The following TUBA1C variants were observed in gnomAD, a reference collection of about 807,000 sequenced individuals.
The protein encoded by TUBA1C is tubulin alpha-1C chain.
TUBA1C carries 16 observed loss-of-function variants against 34.9 expected under a neutral mutation model. The observed-to-expected ratio is 0.46, with a 90% CI of 0.31 to 0.70. TUBA1C has a LOEUF of 0.70. Ranked by LOEUF, TUBA1C falls within the 30% of genes least tolerant of loss-of-function variation. The probability of loss-of-function intolerance (pLI) is 0.05; values close to 1 mark genes in which losing one functional copy is unlikely to be tolerated. For synonymous variants in TUBA1C, 177 were observed against 215.9 expected (o/e 0.82, Z 1.58); for missense variants, 329 against 587.3 (o/e 0.56, Z 4.55).
exon 1 of TUBA1C, chr12:49,228,100 G>T (rs1447402103): frequency 2.0e-6 from 3 of 1,535,562 alleles, no homozygotes; most frequent in African/African-American, 2.7e-5. Flanking sequence ...GGACTCTTCA[G>T]CTCCCTGCGC....
chr12:49,238,671 T>C (rs1942582334), intron 1 of TUBA1C, among the ~76,000 whole-genome samples: 1 of 152,182 alleles, frequency 6.6e-6, no homozygotes, highest in African/African-American at 2.4e-5. Context: ...TTTTTGCTTA[T>C]TTTTATATTT....
Position 49,270,147 on chromosome 12 carries a change from G to A in TUBA1C, c.375+171G>A. The A allele has an allele frequency of 2.9e-6, 4 of 1,361,706 alleles. No individual in the cohort carries two copies. The Admixed American group carries it at 7.7e-5, about 26-fold the overall frequency. 84.4% of individuals were successfully genotyped at this position (1,361,706 alleles called of 1,614,324 possible). On this transcript the variant is annotated intron_variant, in intron 3 of 3. Transcript: ENST00000301072. ...GAACCAGATGATCTTGGATTTATGG[G>A]ACAACTATGGGGTAGAAGTAAGTGC...
chr12:49,231,703 G>A (rs1378620753), intron 1 of TUBA1C, among the ~76,000 whole-genome samples: 1 of 151,936 alleles, frequency 6.6e-6, no homozygotes. Flanking sequence ...TAGATAGACA[G>A]ACAGACAGAC....
At chr12:49,244,219 C>T (rs1314809397) in intron 1 of TUBA1C, among the ~76,000 whole-genome samples, 1 of 151,732 alleles carries the variant, frequency 6.6e-6, no homozygotes, top group African/African-American at 2.4e-5. Context: ...GCTGAATTTT[C>T]AGCAAGGCCC....
chr12:49,265,055 AG>A, upstream of TUBA1C: 1 of 1,314,716 alleles, frequency 7.6e-7, no homozygotes, highest in Non-Finnish European at 9.9e-7. Flanking sequence ...CGGGTATATA[AG>A]GCCCTTCGGG....
chr12:49,240,913 T>C (rs1942608889), intron 1 of TUBA1C, among the ~76,000 whole-genome samples: 2 of 152,004 alleles, frequency 1.3e-5, no homozygotes, highest in Non-Finnish European at 2.9e-5. Flanking sequence ...GCTCTTTTTT[T>C]CTTTTTGAGA....
intron 1 of TUBA1C, among the ~76,000 whole-genome samples, chr12:49,252,615 A>G (rs766839427): frequency 4.6e-5 from 7 of 152,152 alleles, no homozygotes; most frequent in Non-Finnish European, 8.8e-5. Context: ...CATCTCTACT[A>G]AAAATACAAA....
chr12:49,231,697 TAGAC>T lies in TUBA1C; in HGVS notation c.213+3551_213+3554del, dbSNP rs541221185. Among the ~76,000 whole-genome samples, 1,228 of 150,504 alleles carry T rather than the reference TAGAC, an allele frequency of 8.2e-3. 11 individuals are homozygous for T. The highest frequency in any genetic ancestry group is 0.024 in the African/African-American group (961 of 40,130). On this transcript the variant is annotated intron_variant, in intron 1 of 3. Transcript: ENST00000541364. ...AAAAAATAGATGATAGATAGATAGA[TAGAC>T]AGACAGACAGACAGACAGATAGATA... is the stretch of plus-strand genomic sequence containing the variant.
chr12:49,270,832 A>T (rs796811109), intron 3 of TUBA1C, among the ~76,000 whole-genome samples: 17 of 152,246 alleles, frequency 1.1e-4, no homozygotes, highest in Admixed American at 3.3e-4. Context: ...CAAAAAAATT[A>T]GCCGGGCGTG....
At chr12:49,228,154 C>G in exon 1 of TUBA1C, 2 of 1,535,672 alleles carry the variant, frequency 1.3e-6, no homozygotes, top group Non-Finnish European at 1.7e-6. Flanking sequence ...GAGAACCTGG[C>G]TGTGATTCAA....
At chr12:49,235,115 C>CAAAA (rs550520599) in intron 1 of TUBA1C, among the ~76,000 whole-genome samples, 17 of 84,172 alleles carry the variant, frequency 2.0e-4, no homozygotes, top group Middle Eastern at 7.9e-3. Flanking sequence ...TGCGCCCGGC[C>CAAAA]AAAAAAAAAA....
Position 49,265,134 on chromosome 12 carries a change from C to A in TUBA1C, c.-48C>A. 1 of 1,592,540 alleles carries A rather than the reference C, an allele frequency of 6.3e-7. No individual in the cohort carries two copies. The highest frequency in any genetic ancestry group is 8.6e-7 in the Non-Finnish European group (1 of 1,166,002). On this transcript the variant is annotated 5_prime_UTR_variant, in exon 1 of 4. Coordinates refer to ENST00000301072, the MANE Select transcript of TUBA1C (RefSeq NM_032704.5). Reference sequence around the variant, plus strand: ...GTCTGTTAGTGGGAGATCCTTGTTGCCGTCCCTTCGCCTCCTTCACCGCCG... The same window carrying A: ...GTCTGTTAGTGGGAGATCCTTGTTGACGTCCCTTCGCCTCCTTCACCGCCG...
chr12:49,269,703 T>C lies in TUBA1C; in HGVS notation c.226+16T>C. ...ACAGTCATTGGTGAGTTGACCTCAG[T>C]AACCCAAGTGAGATCCCAGGGTGCT... On this transcript the variant is annotated intron_variant, in intron 2 of 3. Coordinates refer to ENST00000301072, the MANE Select transcript of TUBA1C (RefSeq NM_032704.5). 3.1e-6 allele frequency: 5 copies of C among 1,613,708 alleles called. No homozygotes were observed. Among genetic ancestry groups the C allele is most frequent in the Non-Finnish European group, 3.4e-6 (4 of 1,179,760 alleles).
chr12:49,270,011 G>A (rs1189511427), intron 3 of TUBA1C, 35 bp downstream of exon 3: 3 of 1,614,190 alleles, frequency 1.9e-6, no homozygotes, highest in Admixed American at 1.7e-5. Flanking sequence ...TGGGATGAGA[G>A]TTTCTTTTGC....
At chr12:49,247,276 G>A (rs1439953890) in intron 1 of TUBA1C, among the ~76,000 whole-genome samples, 3 of 151,660 alleles carry the variant, frequency 2.0e-5, no homozygotes, top group South Asian at 2.1e-4. Flanking sequence ...AGACAAACCC[G>A]CCGGACTTGG....
At chr12:49,231,524 C>G (rs926276763) in intron 1 of TUBA1C, among the ~76,000 whole-genome samples, 1 of 152,104 alleles carries the variant, frequency 6.6e-6, no homozygotes, top group Non-Finnish European at 1.5e-5. Context: ...GGGCACTGTG[C>G]GAAATATAAA....
chr12:49,271,846 C>T (rs893058737), intron 3 of TUBA1C, among the ~76,000 whole-genome samples: 10 of 152,254 alleles, frequency 6.6e-5, no homozygotes, highest in African/African-American at 2.4e-4. Context: ...GCCCTGTATG[C>T]AAGCCCAGGC....
chr12:49,268,097 G>GAC (rs367819252), intron 1 of TUBA1C, among the ~76,000 whole-genome samples: 8 of 151,760 alleles, frequency 5.3e-5, no homozygotes, highest in African/African-American at 9.7e-5. Flanking sequence ...ATGAGAGAGA[G>GAC]ACACACACAC....
chr12:49,254,078 G>A (rs369592369), intron 1 of TUBA1C, among the ~76,000 whole-genome samples: 16 of 152,230 alleles, frequency 1.1e-4, no homozygotes, highest in South Asian at 1.0e-3. Context: ...TTGGGAGGCC[G>A]AGGCAGGCGG....
Sources: allele counts gnomAD v4.1 joint callset (sites outside exome capture counted in the v4.1 genomes callset), GRCh38; gene constraint gnomAD v4.1.1; transcripts MANE v1.5; gene names NCBI Gene and HGNC (gene_info 2026-07-23, HGNC 2026-07-21).